Variants in FBXO25 observed in about 807,000 individuals in gnomAD.
The protein encoded by FBXO25 is F-box only protein 25.
A neutral mutation model predicts 51.9 loss-of-function variants in FBXO25; 45 were observed. The ratio of observed to expected loss-of-function variants is 0.87; its 90% CI spans 0.68 to 1.11. The LOEUF (loss-of-function observed/expected upper bound fraction) is 1.11, where lower values mean the gene tolerates loss of function less well. Ranked by LOEUF, FBXO25 falls within the 50% of genes most tolerant of loss-of-function variation. FBXO25 has a pLI of 0.00. For synonymous variants in FBXO25, 199 were observed against 151.0 expected (o/e 1.32, Z -2.33); for missense variants, 507 against 428.5 (o/e 1.18, Z -1.62).
chr8:441,124 G>A (rs1213185725), intron 5 of FBXO25, among the ~76,000 whole-genome samples: 1 of 150,808 alleles, frequency 6.6e-6, no homozygotes, highest in African/African-American at 2.4e-5. Flanking sequence ...TATATTACAA[G>A]GCTACAGTAA....
intron 5 of FBXO25, among the ~76,000 whole-genome samples, chr8:442,511 C>A (rs1416062907): frequency 6.6e-6 from 1 of 152,016 alleles, no homozygotes; most frequent in African/African-American, 2.4e-5. Context: ...GCTTTGTCGC[C>A]CAGGCTGGAG....
chr8:468,637 T>C, intron 9 of FBXO25, 78 bp from the exon 10 acceptor site: 2 of 1,104,688 alleles, frequency 1.8e-6, no homozygotes, highest in Non-Finnish European at 2.7e-6. Context: ...AACAAGCAGC[T>C]GACGACCCCT....
chr8:475,155 C>T lies in FBXO25; in HGVS notation c.*6351C>T. On this transcript the variant is annotated 3_prime_UTR_variant, in exon 10 of 10. Transcript: ENST00000350302. ...TATATATGGTGTGAGGTAGATCTAG[C>T]TTCATGTGGATGTCCACTTGTCTAG... 5.7e-6 allele frequency: 2 copies of T among 348,372 alleles called. No homozygotes were observed. Among genetic ancestry groups the T allele is most frequent in the Non-Finnish European group, 5.5e-6 (1 of 181,374 alleles). The allele number at this position is 348,372 out of a possible 1,614,324, so 21.6% of individuals were successfully genotyped here. A position where few individuals can be genotyped will look rare whatever the true frequency, so the allele number is the denominator to read the frequency against.
chr8:459,727 C>A (rs1799684682), intron 8 of FBXO25, among the ~76,000 whole-genome samples: 2 of 152,110 alleles, frequency 1.3e-5, no homozygotes. Flanking sequence ...GAGCTAGGGC[C>A]TAGACAGATG....
rs1011457171 is a variant in FBXO25, at chr8:472,412, C to T, written c.*3608C>T. 6.6e-6 allele frequency: 1 copy of T among 152,220 alleles called. No individual in the cohort carries two copies. The highest frequency in any genetic ancestry group is 1.9e-4 in the East Asian group (1 of 5,194). 9.4% of individuals were successfully genotyped at this position (152,220 alleles called of 1,614,324 possible). A position where few individuals can be genotyped will look rare whatever the true frequency, so the allele number is the denominator to read the frequency against. Reference sequence around the variant, plus strand: ...ATTCTTGGGTCAAAGCCCACTAAGTCATGGTTTATGATACCTTTTATACAT... The same window carrying T: ...ATTCTTGGGTCAAAGCCCACTAAGTTATGGTTTATGATACCTTTTATACAT... On this transcript the variant is annotated 3_prime_UTR_variant, in exon 10 of 10. Transcript: ENST00000350302.
intron 2 of FBXO25, among the ~76,000 whole-genome samples, chr8:416,265 T>C (rs1796795010): frequency 6.6e-6 from 1 of 152,218 alleles, no homozygotes; most frequent in South Asian, 2.1e-4. Flanking sequence ...CACTCTACTC[T>C]GATGTTCGGC....
chr8:474,534 A>G lies in FBXO25; in HGVS notation c.*5730A>G, dbSNP rs371933650. On this transcript the variant is annotated 3_prime_UTR_variant, in exon 10 of 10. Transcript: ENST00000350302. ...TCCCACTGAAGGTTCCAGTTTTGCC[A>G]CATCCTTGCCAACACCTGTTTTTAA... 5 of 345,576 alleles carry G rather than the reference A, an allele frequency of 1.4e-5. No individual in the cohort carries two copies. Among genetic ancestry groups the G allele is most frequent in the African/African-American group, 8.7e-5 (4 of 46,092 alleles). 21.4% of individuals were successfully genotyped at this position (345,576 alleles called of 1,614,324 possible). A position where few individuals can be genotyped will look rare whatever the true frequency, so the allele number is the denominator to read the frequency against.
intron 5 of FBXO25, among the ~76,000 whole-genome samples, chr8:448,245 A>C (rs1267699971): frequency 1.3e-5 from 2 of 152,166 alleles, no homozygotes; most frequent in Non-Finnish European, 2.9e-5. Context: ...GGAAGTGTAC[A>C]TTGTGAGAGG....
intron 5 of FBXO25, among the ~76,000 whole-genome samples, chr8:445,235 T>A (rs1360592468): frequency 3.3e-5 from 5 of 152,328 alleles, no homozygotes; most frequent in African/African-American, 1.2e-4. Context: ...GCTAAGCTAA[T>A]CCCTTGCCTT....
rs749957434 is a variant in FBXO25, at chr8:475,000, C to T, written c.*6196C>T. The T allele has an allele frequency of 3.3e-5, 13 of 399,808 alleles. No individual in the cohort carries two copies. The highest frequency in any genetic ancestry group is 2.4e-4 in the South Asian group (13 of 53,082). The allele number at this position is 399,808 out of a possible 1,614,324, so 24.8% of individuals were successfully genotyped here. On this transcript the variant is annotated 3_prime_UTR_variant, in exon 10 of 10. Transcript: ENST00000350302. ...GAAGTTGTTTCTTTCTTTTAGTTAC[C>T]TGTGTGTGCCTCTGGTGTCATATCT...
intron 1 of FBXO25, among the ~76,000 whole-genome samples, chr8:411,559 A>ATATT (rs1438489478): frequency 6.6e-6 from 1 of 152,084 alleles, no homozygotes; most frequent in Non-Finnish European, 1.5e-5. Context: ...ATGGATGTAT[A>ATATT]TATTTATTCA....
chr8:466,539 A>T (rs903970066), intron 9 of FBXO25, among the ~76,000 whole-genome samples: 2 of 152,184 alleles, frequency 1.3e-5, no homozygotes, highest in African/African-American at 2.4e-5. Context: ...CAAAGCTGTT[A>T]AGAAAATGAG....
At chr8:452,261 G>C (rs1346895993) in intron 7 of FBXO25, among the ~76,000 whole-genome samples, 1 of 152,190 alleles carries the variant, frequency 6.6e-6, no homozygotes, top group Non-Finnish European at 1.5e-5. Flanking sequence ...TTATGAGTCT[G>C]AAATTATCCT....
chr8:463,521 G>A (rs945349463), intron 9 of FBXO25, among the ~76,000 whole-genome samples: 1 of 152,160 alleles, frequency 6.6e-6, no homozygotes, highest in Non-Finnish European at 1.5e-5. Flanking sequence ...CACCTTCCTC[G>A]TTTCCCCAGA....
At chr8:459,387 G>A (rs1437875777) in intron 8 of FBXO25, among the ~76,000 whole-genome samples, 1 of 152,218 alleles carries the variant, frequency 6.6e-6, no homozygotes, top group Non-Finnish European at 1.5e-5. Flanking sequence ...CATGGGGAGG[G>A]TGCTGTGTGT....
chr8:423,746 A>G (rs999710755), intron 2 of FBXO25, among the ~76,000 whole-genome samples: 15 of 152,330 alleles, frequency 9.8e-5, no homozygotes, highest in African/African-American at 3.4e-4. Flanking sequence ...TAGTGCAGCG[A>G]TGAACATAGG....
intron 2 of FBXO25, among the ~76,000 whole-genome samples, chr8:430,566 A>G (rs1010302210): frequency 4.6e-5 from 7 of 152,196 alleles, no homozygotes; most frequent in African/African-American, 1.7e-4. Flanking sequence ...CACCACTCTC[A>G]CATGCCTCCA....
intron 5 of FBXO25, among the ~76,000 whole-genome samples, chr8:448,652 AG>A: frequency 6.6e-6 from 1 of 152,326 alleles, no homozygotes; most frequent in East Asian, 1.9e-4. Flanking sequence ...TGTGTGGCTG[AG>A]GGTGACGGAG....
intron 5 of FBXO25, among the ~76,000 whole-genome samples, chr8:441,288 G>A (rs1798410510): frequency 6.6e-6 from 1 of 152,154 alleles, no homozygotes; most frequent in Non-Finnish European, 1.5e-5. Context: ...TTTAATAAAT[G>A]GTGTTGGAAA....
Sources: allele counts gnomAD v4.1 joint callset (sites outside exome capture counted in the v4.1 genomes callset), GRCh38; gene constraint gnomAD v4.1.1; transcripts MANE v1.5; gene names NCBI Gene and HGNC (gene_info 2026-07-23, HGNC 2026-07-21).